Variants in GPR39 observed in about 807,000 individuals in gnomAD.
GPR39 encodes G protein-coupled receptor 39.
Under a neutral mutation model 18.4 loss-of-function variants are expected in GPR39, and 23 were observed. The observed-to-expected ratio is 1.25, with a 90% CI of 0.90 to 1.77. The LOEUF is 1.77. GPR39 is among the 40% of genes most tolerant of loss of function. The pLI is 0.00. For synonymous variants in GPR39, 280 were observed against 257.9 expected, an observed-to-expected ratio of 1.09 and a Z score of -0.82; for missense variants, 647 against 602.4, an observed-to-expected ratio of 1.07 and a Z score of -0.78.
intron 1 of GPR39, among the ~76,000 whole-genome samples, chr2:132,636,924 C>T (rs1681771989): frequency 6.6e-6 from 1 of 152,196 alleles, no homozygotes; most frequent in African/African-American, 2.4e-5. Flanking sequence ...CCACCCACTC[C>T]TGTGCTGTGT....
chr2:132,537,002 T>A (rs1469683072), intron 1 of GPR39, among the ~76,000 whole-genome samples: 1 of 152,212 alleles, frequency 6.6e-6, no homozygotes, highest in Non-Finnish European at 1.5e-5. Flanking sequence ...TGCACACCCG[T>A]GGGTCTTGAC....
At chr2:132,585,961 T>G (rs1367237759) in intron 1 of GPR39, among the ~76,000 whole-genome samples, 2 of 141,334 alleles carry the variant, frequency 1.4e-5, no homozygotes, top group African/African-American at 5.3e-5. Context: ...TTTTTTTTTT[T>G]TTTTTTTTTT....
chr2:132,645,389 C>T lies in GPR39; in HGVS notation c.1145C>T (p.Thr382Ile), dbSNP rs200761979. ...KRLRVHAHSTTDSARFVQRPL... is the reference protein window; with the variant it reads ...KRLRVHAHSTIDSARFVQRPL... ...CTGCGCGTACATGCGCACTCCACCA[C>T]CGACAGCGCCCGCTTTGTGCAGCGC... is the stretch of plus-strand genomic sequence containing the variant. The change falls in exon 2 of 2, where the codon ACC (threonine) becomes ATC (isoleucine). Residue 382 changes from threonine to isoleucine, a missense_variant. Transcript: ENST00000329321. 4.7e-5 allele frequency: 76 copies of T among 1,613,632 alleles called. No homozygotes were observed. Among genetic ancestry groups the T allele is most frequent in the Non-Finnish European group, 5.5e-5 (65 of 1,180,028 alleles).
chr2:132,488,481 C>G (rs1179101338), intron 1 of GPR39: 3 of 153,690 alleles, frequency 2.0e-5, no homozygotes, highest in Non-Finnish European at 2.9e-5. Context: ...TTTCTTATTG[C>G]TGGAATTTCA....
At chr2:132,440,655 C>A (rs1013940330) in intron 1 of GPR39, among the ~76,000 whole-genome samples, 1 of 152,132 alleles carries the variant, frequency 6.6e-6, no homozygotes, top group Admixed American at 6.5e-5. Context: ...CCACTGACAT[C>A]AGGGTCAGTG....
At chr2:132,570,389 T>G (rs779223491) in intron 1 of GPR39, among the ~76,000 whole-genome samples, 31 of 152,104 alleles carry the variant, frequency 2.0e-4, no homozygotes, top group Non-Finnish European at 3.8e-4. Context: ...TTGCCTGTTT[T>G]AATCATCCTT....
chr2:132,582,535 G>A (rs1341734279), intron 1 of GPR39, among the ~76,000 whole-genome samples: 2 of 152,192 alleles, frequency 1.3e-5, no homozygotes, highest in Non-Finnish European at 2.9e-5. Flanking sequence ...CAAGTGGCAG[G>A]ACTTGGCCAG....
chr2:132,596,324 T>C (rs898910127), intron 1 of GPR39, among the ~76,000 whole-genome samples: 1 of 152,130 alleles, frequency 6.6e-6, no homozygotes, highest in African/African-American at 2.4e-5. Context: ...GGCTTTGTTT[T>C]CCTTACTCCC....
At chr2:132,441,226 A>G (rs1018443028) in intron 1 of GPR39, among the ~76,000 whole-genome samples, 2 of 152,196 alleles carry the variant, frequency 1.3e-5, no homozygotes, top group Non-Finnish European at 2.9e-5. Context: ...TGAGATGCAT[A>G]TACAAACAAG....
intron 1 of GPR39, among the ~76,000 whole-genome samples, chr2:132,542,400 A>T (rs977938586): frequency 5.3e-5 from 8 of 152,198 alleles, no homozygotes; most frequent in Non-Finnish European, 7.3e-5. Context: ...ACCTTGCACA[A>T]ACTCTTTAAC....
intron 1 of GPR39, among the ~76,000 whole-genome samples, chr2:132,486,775 CTA>C (rs757516769): frequency 1.3e-5 from 2 of 152,206 alleles, no homozygotes; most frequent in Non-Finnish European, 2.9e-5. Flanking sequence ...CTCAGACTTT[CTA>C]TATGTCAGCA....
intron 1 of GPR39, among the ~76,000 whole-genome samples, chr2:132,549,663 C>G (rs1680007980): frequency 6.6e-6 from 1 of 152,120 alleles, no homozygotes; most frequent in African/African-American, 2.4e-5. Flanking sequence ...TGGTGCGCAC[C>G]TGTAGTCCCA....
intron 1 of GPR39, among the ~76,000 whole-genome samples, chr2:132,427,877 A>T (rs1212747355): frequency 1.1e-5 from 1 of 90,804 alleles, no homozygotes; most frequent in Non-Finnish European, 2.4e-5. Flanking sequence ...GCTGTACTTC[A>T]TATATATATA....
At chr2:132,444,087 AT>A (rs1299234166) in intron 1 of GPR39, among the ~76,000 whole-genome samples, 2 of 152,142 alleles carry the variant, frequency 1.3e-5, no homozygotes, top group Non-Finnish European at 2.9e-5. Context: ...AAAAATGGTC[AT>A]TATGAAGGTG....
intron 1 of GPR39, among the ~76,000 whole-genome samples, chr2:132,520,937 G>GT (rs1367812354): frequency 6.6e-6 from 1 of 152,222 alleles, no homozygotes; most frequent in East Asian, 1.9e-4. Context: ...GCAATCTGTT[G>GT]TAAGTAGAAG....
At chr2:132,618,479 A>C (rs1422630605) in intron 1 of GPR39, among the ~76,000 whole-genome samples, 1 of 152,218 alleles carries the variant, frequency 6.6e-6, no homozygotes, top group Non-Finnish European at 1.5e-5. Context: ...TCTCGATCAC[A>C]AATGTGACAA....
At chr2:132,501,054 G>GT (rs55720929) in intron 1 of GPR39, among the ~76,000 whole-genome samples, 1,326 of 90,242 alleles carry the variant, frequency 0.015, 43 homozygotes, top group African/African-American at 0.051. Flanking sequence ...TATCTTTTGT[G>GT]TTTTTTTTTT....
intron 1 of GPR39, among the ~76,000 whole-genome samples, chr2:132,633,175 C>T (rs16838775): frequency 0.015 from 2,340 of 152,252 alleles, 76 homozygotes; most frequent in African/African-American, 0.054. Flanking sequence ...TTCACCTGGA[C>T]GGGAAGCATG....
At chr2:132,521,652 A>G (rs1679428610) in intron 1 of GPR39, among the ~76,000 whole-genome samples, 1 of 152,048 alleles carries the variant, frequency 6.6e-6, no homozygotes, top group South Asian at 2.1e-4. Flanking sequence ...AACCAATTTC[A>G]CCAGACTGGC....
Sources: allele counts gnomAD v4.1 joint callset (sites outside exome capture counted in the v4.1 genomes callset), GRCh38; gene constraint gnomAD v4.1.1; transcripts MANE v1.5; gene names NCBI Gene and HGNC (gene_info 2026-07-23, HGNC 2026-07-21).